Variants in GNA13 observed in about 807,000 individuals in gnomAD.
GNA13 encodes guanine nucleotide-binding protein subunit alpha-13.
Under a neutral mutation model 33.5 loss-of-function variants are expected in GNA13, and 4 were observed. The ratio of observed to expected loss-of-function variants is 0.12; its 90% CI spans 0.06 to 0.27. GNA13 has a LOEUF of 0.27. GNA13 is among the 10% of genes least tolerant of loss of function. The pLI is 1.00. For synonymous variants in GNA13, 176 were observed against 183.8 expected (o/e 0.96, Z 0.34); for missense variants, 319 against 487.2 (o/e 0.65, Z 3.25).
At position 65,014,658 on chromosome 17, in the gene GNA13, A is replaced by G. The variant is rs1906300208; in HGVS notation, c.733T>C (p.Phe245Leu). Reference sequence around the variant, plus strand: ...TCAAATTCACTTGAGGAAACAAGGAAAAGTATTGATGTCACACTGTCGAAA... The same window carrying G: ...TCAAATTCACTTGAGGAAACAAGGAGAAGTATTGATGTCACACTGTCGAAA... ...ECFDSVTSIL[F>L]LVSSSEFDQV... The change falls in exon 4 of 4, where the codon TTC becomes CTC. Residue 245 changes from phenylalanine to leucine, a missense_variant. Coordinates refer to ENST00000439174, the MANE Select transcript of GNA13 (RefSeq NM_006572.6). The surrounding 1 kb of genome is among the most constrained non-coding windows in gnomAD (Gnocchi z 5.3). 3.1e-6 allele frequency: 5 copies of G among 1,614,106 alleles called. No homozygotes were observed. Among genetic ancestry groups the G allele is most frequent in the Admixed American group, 3.3e-5 (2 of 60,008 alleles).
At chr17:65,020,388 C>T (rs557154616) in intron 2 of GNA13, among the ~76,000 whole-genome samples, 31 of 152,216 alleles carry the variant, frequency 2.0e-4, no homozygotes, top group African/African-American at 6.0e-4. Flanking sequence ...GATAACCAAC[C>T]GCTTAAGTTC....
At chr17:65,026,203 TA>T (rs61068176) in intron 2 of GNA13, among the ~76,000 whole-genome samples, 141 of 138,664 alleles carry the variant, frequency 1.0e-3, no homozygotes, top group East Asian at 2.1e-3. Context: ...TCCACCAAAA[TA>T]AAAAAAAAAA....
chr17:65,018,615 A>G (rs939615110), intron 2 of GNA13, among the ~76,000 whole-genome samples: 1 of 152,250 alleles, frequency 6.6e-6, no homozygotes, highest in African/African-American at 2.4e-5. Context: ...TATAATTAGA[A>G]GATGAAAACT....
chr17:65,053,146 T>C (rs948274603), intron 2 of GNA13: 4 of 189,004 alleles, frequency 2.1e-5, no homozygotes, highest in Non-Finnish European at 3.3e-5. Context: ...GTGTCCCTTA[T>C]CCGAATGCCT....
At chr17:65,034,180 ATAAGT>A (rs1467986297) in intron 2 of GNA13, among the ~76,000 whole-genome samples, 4 of 152,146 alleles carry the variant, frequency 2.6e-5, no homozygotes, top group Non-Finnish European at 5.9e-5. Flanking sequence ...TCTCACTTAG[ATAAGT>A]TATTTCAATG....
rs747088179 is a variant in GNA13 at position 65,014,843 on chromosome 17, A to G, written c.562-14T>C. The G allele has an allele frequency of 2.6e-6, 4 of 1,562,950 alleles. No homozygotes were observed. The highest frequency in any genetic ancestry group is 2.7e-5 in the African/African-American group (2 of 73,178). On this transcript the variant is annotated splice_polypyrimidine_tract_variant and intron_variant, in intron 3 of 3. Transcript: ENST00000439174. This position sits in a 1 kb window ranked among gnomAD's most constrained non-coding sequence, Gnocchi z 5.3. ...TGGAATATAATCCTGGAAAAGAAAA[A>G]ACTTGTTTTATACCTATTAATCCCG...
At position 65,053,667 on chromosome 17, in the gene GNA13, G is replaced by T. The variant is rs1907935539; in HGVS notation, c.345C>A (p.Asn115Lys). Residue 115 changes from asparagine to lysine, a missense_variant, in exon 2 of 4, where the codon AAC (asparagine) becomes AAA (lysine). This residue lies in a region of GNA13 where 136 missense variants were observed against 159.3 expected (regional missense o/e 0.85). Coordinates refer to ENST00000439174, the MANE Select transcript of GNA13 (RefSeq NM_006572.6). ...ACATCATCTTATCTCCATGTTGTTG[G>T]TTTGAGTTGTCTCCCCAGGGAATAT... ...KLHIPWGDNS[N>K]QQHGDKMMSF... 6.2e-7 allele frequency: 1 copy of T among 1,613,980 alleles called. No homozygotes were observed. The highest frequency in any genetic ancestry group is 8.5e-7 in the Non-Finnish European group (1 of 1,179,920).
At chr17:65,031,925 T>A (rs11079550) in intron 2 of GNA13, among the ~76,000 whole-genome samples, 6,324 of 97,036 alleles carry the variant, frequency 0.065, 150 homozygotes, top group Non-Finnish European at 0.079. Flanking sequence ...AGAGAGAGTG[T>A]GTGTGTGTGT....
intron 2 of GNA13, among the ~76,000 whole-genome samples, chr17:65,037,138 T>C (rs993435406): frequency 5.2e-5 from 8 of 152,384 alleles, no homozygotes; most frequent in African/African-American, 1.7e-4. Context: ...AAAACTCTTC[T>C]GTATTTGCCT....
At chr17:65,017,754 C>A (rs1270937511) in intron 3 of GNA13, among the ~76,000 whole-genome samples, 1 of 152,090 alleles carries the variant, frequency 6.6e-6, no homozygotes, top group Non-Finnish European at 1.5e-5. Flanking sequence ...GGCATGAATT[C>A]GAAAATGTCA....
intron 2 of GNA13, among the ~76,000 whole-genome samples, chr17:65,044,707 T>G (rs1425831234): frequency 6.6e-6 from 1 of 150,862 alleles, no homozygotes; most frequent in Non-Finnish European, 1.5e-5. Flanking sequence ...ACAGGCAGTA[T>G]GAAAACTGTG....
chr17:65,041,146 T>A (rs1036418639), intron 2 of GNA13, among the ~76,000 whole-genome samples: 2 of 152,204 alleles, frequency 1.3e-5, no homozygotes, highest in Non-Finnish European at 2.9e-5. Flanking sequence ...GTAACCAAGA[T>A]GTTGAAAAGG....
intron 2 of GNA13, among the ~76,000 whole-genome samples, chr17:65,040,870 G>A (rs894423658): frequency 1.3e-5 from 2 of 152,164 alleles, no homozygotes; most frequent in African/African-American, 4.8e-5. Flanking sequence ...ATTCTCTCAT[G>A]TGTTAGGCTT....
intron 2 of GNA13, among the ~76,000 whole-genome samples, chr17:65,045,524 A>AG: frequency 6.6e-6 from 1 of 151,560 alleles, no homozygotes; most frequent in East Asian, 1.9e-4. Flanking sequence ...AAAAAAAAAA[A>AG]AAAACCAAAC....
intron 3 of GNA13, among the ~76,000 whole-genome samples, chr17:65,015,419 T>C (rs997911373): frequency 6.6e-6 from 1 of 151,920 alleles, no homozygotes; most frequent in Non-Finnish European, 1.5e-5. Flanking sequence ...TTCCAGCACT[T>C]TGGGAGGCCG....
At chr17:65,056,143 C>A (rs893184377) in intron 1 of GNA13, among the ~76,000 whole-genome samples, 168 bp downstream of exon 1, 2 of 151,832 alleles carry the variant, frequency 1.3e-5, no homozygotes, top group African/African-American at 4.8e-5. Flanking sequence ...GAGGGCACCC[C>A]GGGCGGGCAG....
At chr17:65,051,151 A>G (rs902904389) in intron 2 of GNA13, among the ~76,000 whole-genome samples, 5 of 152,216 alleles carry the variant, frequency 3.3e-5, no homozygotes, top group Non-Finnish European at 7.3e-5. Flanking sequence ...ACTTTCAGGT[A>G]TGCAGTTCTT....
chr17:65,036,017 T>G (rs1907234135), intron 2 of GNA13, among the ~76,000 whole-genome samples: 1 of 152,130 alleles, frequency 6.6e-6, no homozygotes, highest in Non-Finnish European at 1.5e-5. Context: ...ACTCAAATAT[T>G]ACACAATAAT....
At position 65,056,734 on chromosome 17, in the gene GNA13, G is replaced by T; in HGVS notation, c.-141C>A. The T allele has an allele frequency of 6.6e-6, 2 of 302,484 alleles. No individual in the cohort carries two copies. The highest frequency in any genetic ancestry group is 1.1e-5 in the Non-Finnish European group (2 of 185,854). The allele number at this position is 302,484 out of a possible 1,614,324, so 18.7% of individuals were successfully genotyped here. On this transcript the variant is annotated 5_prime_UTR_variant, in exon 1 of 4. In the 5' UTR this introduces an upstream ATG that the reference lacks. Transcript: ENST00000439174. The stretch of plus-strand genomic sequence containing the variant: ...GCGCGCCCAGGGAGGGAGGGAACCA[G>T]CGAACTGACTCGCAGGGCGGGCCGG...
Sources: allele counts gnomAD v4.1 joint callset (sites outside exome capture counted in the v4.1 genomes callset), GRCh38; gene constraint gnomAD v4.1.1; regional missense constraint gnomAD v4.1.1; non-coding constraint Gnocchi (gnomAD v3.1); transcripts MANE v1.5; gene names NCBI Gene and HGNC (gene_info 2026-07-23, HGNC 2026-07-21).